The following NAALADL2 variants were observed in gnomAD, a reference collection of about 807,000 sequenced individuals.
NAALADL2 encodes the protein N-acetylated alpha-linked acidic dipeptidase like 2.
NAALADL2 carries 76 observed loss-of-function variants against 87.2 expected under a neutral mutation model. That is an observed-to-expected ratio of 0.87 (90% confidence interval 0.72 to 1.05). The LOEUF is 1.05. Ranked by LOEUF, NAALADL2 falls within the 50% of genes least tolerant of loss-of-function variation. The pLI is 0.00. For missense variants in NAALADL2, 1,089 were observed against 945.8 expected (o/e 1.15, Z -1.99); for synonymous variants, 354 against 331.0 (o/e 1.07, Z -0.75).
At chr3:175,257,864 T>C (rs1222268613) in intron 4 of NAALADL2, among the ~76,000 whole-genome samples, 2 of 152,184 alleles carry the variant, frequency 1.3e-5, no homozygotes, top group African/African-American at 4.8e-5. Context: ...TGACATGTGC[T>C]AGATAATTTT....
Position 175,291,522 on chromosome 3 carries a change from TG to T in NAALADL2, c.940-32649del, listed in dbSNP as rs537910960. 3.3e-5 allele frequency among the ~76,000 whole-genome samples: 5 copies of T among 152,232 alleles called. No homozygotes were observed. In the South Asian group the frequency reaches 1.0e-3, roughly 32 times the overall value. On this transcript the variant is annotated intron_variant, in intron 4 of 13. Coordinates refer to ENST00000454872, the MANE Select transcript of NAALADL2 (RefSeq NM_207015.3). ...CAACTCATATATACCTAGCCATACC[TG>T]GGGTTATATATGTTATTCAAGCTAG...
intron 10 of NAALADL2, among the ~76,000 whole-genome samples, chr3:175,625,293 T>G (rs566852962): frequency 2.6e-5 from 4 of 152,090 alleles, no homozygotes; most frequent in Admixed American, 2.0e-4. Flanking sequence ...TCAAACATTA[T>G]GGGTGTTATT....
chr3:174,910,559 G>T (rs1383430259), intron 1 of NAALADL2, among the ~76,000 whole-genome samples: 1 of 151,964 alleles, frequency 6.6e-6, no homozygotes, highest in Non-Finnish European at 1.5e-5. Context: ...TTTTAAAATA[G>T]CAGGAAAGGT....
rs115013326 is a variant in NAALADL2, at chr3:175,547,746, T to A, written c.1654-28295T>A. Among the ~76,000 whole-genome samples the A allele has an allele frequency of 8.7e-3, 1,314 of 150,710 alleles. 25 individuals are homozygous for A. The highest frequency in any genetic ancestry group is 0.03 in the African/African-American group (1,247 of 41,198). ...CAACCCATAAAGTAGTGGGCAGAGG[T>A]CACAGACACTTTTCAAAAGAAGACA... On this transcript the variant is annotated intron_variant, in intron 9 of 13. Coordinates refer to ENST00000454872, the MANE Select transcript of NAALADL2 (RefSeq NM_207015.3).
intron 3 of NAALADL2, among the ~76,000 whole-genome samples, chr3:174,829,097 TTTGTTGTTGTTG>T (rs143504378): frequency 3.3e-5 from 5 of 150,264 alleles, no homozygotes; most frequent in Admixed American, 6.6e-5. Flanking sequence ...TCTGTTTTTT[TTTGTTGTTGTTG>T]TTGTTGTTGT....
chr3:175,110,986 CACA>C (rs1192481619), intron 2 of NAALADL2, among the ~76,000 whole-genome samples: 2 of 151,496 alleles, frequency 1.3e-5, no homozygotes, highest in Non-Finnish European at 3.0e-5. Flanking sequence ...GATCTAGGAT[CACA>C]ACATTACTCT....
chr3:175,181,703 A>G (rs75611729), intron 2 of NAALADL2, among the ~76,000 whole-genome samples: 76,521 of 105,656 alleles, frequency 0.72, 29,931 homozygotes, highest in Non-Finnish European at 0.8. Flanking sequence ...ATATATATAT[A>G]TGTGTGTGTG....
intron 2 of NAALADL2, among the ~76,000 whole-genome samples, chr3:174,590,665 G>T (rs1717264791): frequency 6.6e-6 from 1 of 152,050 alleles, no homozygotes; most frequent in Non-Finnish European, 1.5e-5. Flanking sequence ...TCTTGGTGCA[G>T]ATTTTAACTC....
intron 9 of NAALADL2, among the ~76,000 whole-genome samples, chr3:175,480,118 T>C (rs1177536594): frequency 6.6e-6 from 1 of 151,752 alleles, no homozygotes; most frequent in Non-Finnish European, 1.5e-5. Flanking sequence ...TTTTATAATA[T>C]ATAAAAGAGC....
intron 5 of NAALADL2, among the ~76,000 whole-genome samples, chr3:175,427,335 A>G (rs1183095722): frequency 1.3e-5 from 2 of 152,180 alleles, no homozygotes; most frequent in Non-Finnish European, 2.9e-5. Context: ...ACTTCCAGCA[A>G]TTAAGCAGCT....
At chr3:175,479,366 G>C (rs912056417) in intron 9 of NAALADL2, among the ~76,000 whole-genome samples, 8 of 151,800 alleles carry the variant, frequency 5.3e-5, no homozygotes, top group African/African-American at 1.7e-4. Context: ...GGTATACAAA[G>C]TAGAACCTTC....
intron 13 of NAALADL2, among the ~76,000 whole-genome samples, chr3:175,766,743 G>C (rs1165122945): frequency 6.6e-6 from 1 of 152,084 alleles, no homozygotes; most frequent in Non-Finnish European, 1.5e-5. Context: ...TCTTTGTACT[G>C]AAGCACCTAA....
At chr3:175,680,379 G>T (rs941939124) in intron 11 of NAALADL2, among the ~76,000 whole-genome samples, 2 of 152,294 alleles carry the variant, frequency 1.3e-5, no homozygotes, top group Admixed American at 6.5e-5. Context: ...TATCAAAAAT[G>T]TTATTTCCTT....
At chr3:175,281,379 A>G (rs1207771581) in intron 4 of NAALADL2, among the ~76,000 whole-genome samples, 1 of 151,940 alleles carries the variant, frequency 6.6e-6, no homozygotes, top group Non-Finnish European at 1.5e-5. Flanking sequence ...AAAGTAAGCC[A>G]TTAACTCTCT....
intron 5 of NAALADL2, among the ~76,000 whole-genome samples, chr3:175,417,732 A>T (rs1484149369): frequency 6.6e-6 from 1 of 152,188 alleles, no homozygotes; most frequent in Non-Finnish European, 1.5e-5. Flanking sequence ...GTCTGACATT[A>T]AAAAATTAAA....
In NAALADL2 at chr3:175,199,754, A is replaced by G. The variant is rs1739528018; in HGVS notation, c.546-34177A>G. ...TGTTTCTCCTTGTGTGTCCAGGAAA[A>G]CTGATTGATTTGCTGCGTTAAGACA... On this transcript the variant is annotated intron_variant, in intron 2 of 13. Coordinates refer to ENST00000454872, the MANE Select transcript of NAALADL2 (RefSeq NM_207015.3). Among the ~76,000 whole-genome samples, 7 of 117,198 alleles carry G rather than the reference A, an allele frequency of 6.0e-5. No homozygotes were observed. The South Asian group carries it at 2.3e-3, about 39-fold the overall frequency. 76.9% of individuals were successfully genotyped at this position (117,198 alleles called of 152,430 possible). A position where few individuals can be genotyped will look rare whatever the true frequency, so the allele number is the denominator to read the frequency against.
chr3:175,134,422 T>C (rs1728760420), intron 2 of NAALADL2, among the ~76,000 whole-genome samples: 1 of 142,556 alleles, frequency 7.0e-6, no homozygotes, highest in Non-Finnish European at 1.5e-5. Context: ...CATCAGCTAC[T>C]CAGCTTTTTT....
chr3:175,510,512 T>A, intron 9 of NAALADL2, among the ~76,000 whole-genome samples: 1 of 152,196 alleles, frequency 6.6e-6, no homozygotes, highest in Non-Finnish European at 1.5e-5. Context: ...TATTACCACC[T>A]GCTGGTTCAG....
At chr3:175,095,225 C>A (rs1720934450) in intron 1 of NAALADL2, among the ~76,000 whole-genome samples, 1 of 152,040 alleles carries the variant, frequency 6.6e-6, no homozygotes, top group Non-Finnish European at 1.5e-5. Flanking sequence ...CTTGCAAAAG[C>A]AACTTAGAGG....
Sources: allele counts gnomAD v4.1 joint callset (sites outside exome capture counted in the v4.1 genomes callset), GRCh38; gene constraint gnomAD v4.1.1; transcripts MANE v1.5; gene names NCBI Gene and HGNC (gene_info 2026-07-23, HGNC 2026-07-21).